MGAT4C: variants seen among roughly 807,000 people sequenced by gnomAD.
The protein encoded by MGAT4C is MGAT4 family member C, also known as alpha-1,3-mannosyl-glycoprotein 4-beta-N-acetylglucosaminyltransferase C.
In MGAT4C, 19 loss-of-function variants were observed where a neutral mutation model predicts 40.1. The observed-to-expected ratio is 0.47, with a 90% CI of 0.33 to 0.70. The LOEUF (loss-of-function observed/expected upper bound fraction) is 0.70, where lower values mean the gene tolerates loss of function less well. MGAT4C is among the 30% of genes least tolerant of loss of function. The pLI, the probability that MGAT4C is intolerant of heterozygous loss-of-function variation, is 0.02. For missense variants in MGAT4C, 491 were observed against 563.2 expected (o/e 0.87, Z 1.30); for synonymous variants, 181 against 187.1 (o/e 0.97, Z 0.27).
chr12:86,200,263 T>C (rs866057127), intron 1 of MGAT4C, among the ~76,000 whole-genome samples: 1 of 151,716 alleles, frequency 6.6e-6, no homozygotes, highest in South Asian at 2.1e-4. Context: ...GAATATACTA[T>C]AATTTTTAAA....
chr12:86,446,658 C>CATGT (rs1957340723), intron 2 of MGAT4C, among the ~76,000 whole-genome samples: 1 of 35,320 alleles, frequency 2.8e-5, no homozygotes, highest in Non-Finnish European at 5.6e-5. Context: ...TCATGTAACT[C>CATGT]ATATATATAT....
intron 2 of MGAT4C, among the ~76,000 whole-genome samples, chr12:86,536,172 T>G (rs1325551116): frequency 6.6e-6 from 1 of 152,144 alleles, no homozygotes; most frequent in Non-Finnish European, 1.5e-5. Context: ...TTCATTATTA[T>G]AACCTCATCA....
chr12:86,818,287 TA>T (rs1259340407), intron 1 of MGAT4C, among the ~76,000 whole-genome samples: 4 of 151,198 alleles, frequency 2.6e-5, no homozygotes, highest in Non-Finnish European at 5.9e-5. Flanking sequence ...AGCAAATTTA[TA>T]AAATAACAAA....
Position 86,641,045 on chromosome 12 carries a change from C to T in MGAT4C, c.-229+86164G>A, listed in dbSNP as rs186894251. 2.2e-3 allele frequency among the ~76,000 whole-genome samples: 328 copies of T among 151,722 alleles called. 5 individuals are homozygous for T. The highest frequency in any genetic ancestry group is 7.5e-3 in the African/African-American group (311 of 41,470). On this transcript the variant is annotated intron_variant, in intron 2 of 7. Transcript: ENST00000548651. ...CAAGTATGTGGTCAATTTTGGAATA[C>T]GTGTGGTGTGGTGCGGAAAAAAATG... is the stretch of plus-strand genomic sequence containing the variant.
chr12:86,244,410 C>T (rs1951928807), intron 1 of MGAT4C, among the ~76,000 whole-genome samples: 1 of 152,172 alleles, frequency 6.6e-6, no homozygotes, highest in African/African-American at 2.4e-5. Flanking sequence ...TCACCTCAGA[C>T]CTTCTAGTTC....
chr12:86,408,479 C>CTATATATATATATATATATA (rs71076198), intron 3 of MGAT4C, among the ~76,000 whole-genome samples: 4 of 63,344 alleles, frequency 6.3e-5, no homozygotes, highest in African/African-American at 3.1e-4. Context: ...CTCTCTCTCT[C>CTATATATATATATATATATA]TATATATATA....
intron 1 of MGAT4C, among the ~76,000 whole-genome samples, chr12:86,740,338 T>A (rs1433026054): frequency 6.6e-6 from 1 of 151,144 alleles, no homozygotes; most frequent in Non-Finnish European, 1.5e-5. Context: ...TTATAATGCT[T>A]TTTGCTTTCT....
chr12:86,295,517 A>C (rs189466537), intron 4 of MGAT4C, among the ~76,000 whole-genome samples: 1 of 152,252 alleles, frequency 6.6e-6, no homozygotes, highest in African/African-American at 2.4e-5. Flanking sequence ...GGACCCAAAG[A>C]GTGAGCAGTA....
In MGAT4C at chr12:86,045,813, A is replaced by G. The variant is rs147086413; in HGVS notation, c.-7+3861T>C. On this transcript the variant is annotated intron_variant, in intron 2 of 4. Transcript: ENST00000611864. ...GCTTGGTGTTACTTGACTATGTGAG[A>G]GATTTTGCTGATTTCCACACAAAAT... is the stretch of plus-strand genomic sequence containing the variant. Among the ~76,000 whole-genome samples the G allele has an allele frequency of 2.7e-3, 408 of 152,324 alleles. 3 individuals are homozygous for G. The highest frequency in any genetic ancestry group is 0.01 in the Middle Eastern group (3 of 294).
At chr12:86,202,457 A>T (rs913911304) in intron 1 of MGAT4C, among the ~76,000 whole-genome samples, 1 of 152,012 alleles carries the variant, frequency 6.6e-6, no homozygotes, top group Admixed American at 6.6e-5. Context: ...AATGGATTAT[A>T]ATTTATACTT....
chr12:86,044,611 G>C (rs967106523), intron 2 of MGAT4C, among the ~76,000 whole-genome samples: 4 of 152,114 alleles, frequency 2.6e-5, no homozygotes, highest in Non-Finnish European at 4.4e-5. Flanking sequence ...CTGTGGTCAG[G>C]GGAAGGGGCA....
At chr12:86,380,624 A>G (rs1592766014) in intron 3 of MGAT4C, among the ~76,000 whole-genome samples, 1 of 152,170 alleles carries the variant, frequency 6.6e-6, no homozygotes, top group East Asian at 1.9e-4. Flanking sequence ...TCAACATTAC[A>G]CAACATACCT....
At chr12:86,734,196 T>G (rs1395541476) in intron 1 of MGAT4C, among the ~76,000 whole-genome samples, 1 of 152,054 alleles carries the variant, frequency 6.6e-6, no homozygotes, top group Admixed American at 6.6e-5. Context: ...GAAGGGAGAT[T>G]GAAATAAAAA....
intron 1 of MGAT4C, among the ~76,000 whole-genome samples, chr12:86,135,833 C>T (rs1021049625): frequency 1.3e-5 from 2 of 152,150 alleles, no homozygotes; most frequent in Non-Finnish European, 2.9e-5. Flanking sequence ...TGATCAATAA[C>T]CTCTAATTCC....
intron 2 of MGAT4C, among the ~76,000 whole-genome samples, chr12:86,504,355 A>G (rs968304557): frequency 2.0e-5 from 3 of 152,190 alleles, no homozygotes; most frequent in Non-Finnish European, 1.5e-5. Flanking sequence ...CATAGAAGCA[A>G]TTATCCATAG....
intron 1 of MGAT4C, among the ~76,000 whole-genome samples, chr12:86,837,700 A>T (rs1406336614): frequency 1.3e-5 from 2 of 152,124 alleles, no homozygotes; most frequent in Non-Finnish European, 2.9e-5. Context: ...ATAAAACATT[A>T]AAAAAAGCTC....
chr12:86,196,890 C>T (rs755513847), intron 1 of MGAT4C, among the ~76,000 whole-genome samples: 3 of 152,094 alleles, frequency 2.0e-5, no homozygotes, highest in Non-Finnish European at 4.4e-5. Context: ...CACTTTGTCT[C>T]TCTAGAACAT....
At chr12:86,018,408 C>T (rs1385709290) in intron 2 of MGAT4C, among the ~76,000 whole-genome samples, 1 of 152,182 alleles carries the variant, frequency 6.6e-6, no homozygotes, top group Non-Finnish European at 1.5e-5. Flanking sequence ...AACTCTTCAT[C>T]TGTCTGACAT....
At chr12:86,524,149 T>G (rs1221568552) in intron 2 of MGAT4C, among the ~76,000 whole-genome samples, 1 of 152,200 alleles carries the variant, frequency 6.6e-6, no homozygotes, top group Non-Finnish European at 1.5e-5. Flanking sequence ...GGCTGGTGAT[T>G]CTGCCGACTT....
Sources: allele counts gnomAD v4.1 joint callset (sites outside exome capture counted in the v4.1 genomes callset), GRCh38; gene constraint gnomAD v4.1.1; transcripts MANE v1.5; gene names NCBI Gene and HGNC (gene_info 2026-07-23, HGNC 2026-07-21).